The following MACROD2 variants were observed in gnomAD, a reference collection of about 807,000 sequenced individuals.
MACROD2 encodes mono-ADP ribosylhydrolase 2.
Under a neutral mutation model 70.4 loss-of-function variants are expected in MACROD2, and 36 were observed. That is an observed-to-expected ratio of 0.51 (90% CI 0.39 to 0.68). The LOEUF is 0.68. MACROD2 is among the 30% of genes least tolerant of loss of function. The pLI, the probability that MACROD2 is intolerant of heterozygous loss-of-function variation, is 0.00. For missense variants in MACROD2, 496 were observed against 538.4 expected (o/e 0.92, Z 0.78); for synonymous variants, 172 against 178.8 (o/e 0.96, Z 0.30).
chr20:15,640,583 T>C (rs183184896), intron 8 of MACROD2, among the ~76,000 whole-genome samples: 57 of 152,336 alleles, frequency 3.7e-4, no homozygotes, highest in Non-Finnish European at 6.6e-4. Context: ...GCAGAGAACA[T>C]AGTCATGTGG....
At chr20:14,095,337 G>A (rs1478288388) in intron 3 of MACROD2, among the ~76,000 whole-genome samples, 1 of 152,172 alleles carries the variant, frequency 6.6e-6, no homozygotes, top group African/African-American at 2.4e-5. Flanking sequence ...ATAGAGGATA[G>A]GAAATGTAGG....
chr20:14,050,192 G>A (rs888937928), intron 2 of MACROD2, among the ~76,000 whole-genome samples: 15 of 152,016 alleles, frequency 9.9e-5, no homozygotes, highest in African/African-American at 3.6e-4. Flanking sequence ...TTTTTCTCAA[G>A]GATAGAGTCA....
At chr20:14,922,373 C>T (rs76467268) in intron 5 of MACROD2, among the ~76,000 whole-genome samples, 2,040 of 152,134 alleles carry the variant, frequency 0.013, 38 homozygotes, top group African/African-American at 0.046. Flanking sequence ...GCTTCTTAAC[C>T]ACCCCTAATT....
intron 3 of MACROD2, among the ~76,000 whole-genome samples, chr20:14,416,971 A>G (rs2083812135): frequency 6.6e-6 from 1 of 152,148 alleles, no homozygotes; most frequent in African/African-American, 2.4e-5. Context: ...ACTTTTAGCA[A>G]CCTGAACTTT....
intron 3 of MACROD2, among the ~76,000 whole-genome samples, chr20:14,355,235 C>T (rs945997811): frequency 1.3e-5 from 2 of 152,114 alleles, no homozygotes; most frequent in African/African-American, 4.8e-5. Flanking sequence ...ATATACAGGT[C>T]ATTAACAAAA....
At chr20:14,366,899 A>G (rs1245499431) in intron 3 of MACROD2, among the ~76,000 whole-genome samples, 1 of 152,114 alleles carries the variant, frequency 6.6e-6, no homozygotes, top group African/African-American at 2.4e-5. Flanking sequence ...TACATTTTAA[A>G]TAATTTCTGA....
intron 5 of MACROD2, among the ~76,000 whole-genome samples, chr20:15,214,444 T>C (rs958422377): frequency 1.2e-4 from 19 of 152,056 alleles, no homozygotes; most frequent in African/African-American, 4.6e-4. Context: ...TCCCAGCACT[T>C]TGGGAGGCCG....
chr20:14,815,242 A>C (rs140939528), intron 5 of MACROD2, among the ~76,000 whole-genome samples: 1 of 152,058 alleles, frequency 6.6e-6, no homozygotes, highest in Non-Finnish European at 1.5e-5. Flanking sequence ...GTCTAGGTGA[A>C]GCTTCTGCAT....
chr20:15,568,185 C>T (rs2048332979), intron 8 of MACROD2, among the ~76,000 whole-genome samples: 1 of 152,160 alleles, frequency 6.6e-6, no homozygotes, highest in African/African-American at 2.4e-5. Flanking sequence ...CAAAGATGTC[C>T]ATGGACTTCA....
chr20:15,949,222 T>C (rs970692979), intron 12 of MACROD2, among the ~76,000 whole-genome samples: 1 of 152,214 alleles, frequency 6.6e-6, no homozygotes, highest in Non-Finnish European at 1.5e-5. Context: ...AAAGAGTTAA[T>C]ATATTTAAAG....
intron 6 of MACROD2, among the ~76,000 whole-genome samples, chr20:15,304,733 TA>T (rs142711673): frequency 4.7e-5 from 7 of 148,804 alleles, no homozygotes; most frequent in African/African-American, 9.8e-5. Context: ...CTGCCTTATC[TA>T]AAAAAAAAAG....
chr20:14,284,129 G>T (rs1182207675), intron 3 of MACROD2, among the ~76,000 whole-genome samples: 1 of 152,132 alleles, frequency 6.6e-6, no homozygotes, highest in Non-Finnish European at 1.5e-5. Context: ...ATTGCAAAAT[G>T]GCAGTGTCTG....
chr20:14,568,357 A>T (rs1979946421), intron 4 of MACROD2, among the ~76,000 whole-genome samples: 1 of 152,024 alleles, frequency 6.6e-6, no homozygotes, highest in Non-Finnish European at 1.5e-5. Context: ...AATGCATGAC[A>T]TGGCAATTTG....
At chr20:15,434,607 A>T (rs192734609) in intron 7 of MACROD2, among the ~76,000 whole-genome samples, 5 of 152,162 alleles carry the variant, frequency 3.3e-5, no homozygotes, top group African/African-American at 1.2e-4. Context: ...GGAAAATGGT[A>T]TGGAGATTCC....
chr20:15,070,170 C>G (rs1452979113), intron 5 of MACROD2, among the ~76,000 whole-genome samples: 8 of 152,238 alleles, frequency 5.3e-5, no homozygotes, highest in African/African-American at 1.7e-4. Context: ...TAGTGTCTGC[C>G]CTGCTGTTGC....
At chr20:14,861,541 C>T (rs765553319) in intron 5 of MACROD2, among the ~76,000 whole-genome samples, 1 of 151,958 alleles carries the variant, frequency 6.6e-6, no homozygotes. Flanking sequence ...AATTAGAAGC[C>T]AGACTATGAG....
At chr20:14,476,064 A>G (rs1168964153) in intron 3 of MACROD2, among the ~76,000 whole-genome samples, 1 of 151,474 alleles carries the variant, frequency 6.6e-6, no homozygotes, top group African/African-American at 2.4e-5. Context: ...TAGAAGAGGT[A>G]AGTTGAACCA....
chr20:14,714,203 A>T (rs2071370599), intron 5 of MACROD2, among the ~76,000 whole-genome samples: 1 of 152,088 alleles, frequency 6.6e-6, no homozygotes, highest in African/African-American at 2.4e-5. Context: ...CTTTGAGAAG[A>T]TTATTCAGGA....
intron 4 of MACROD2, among the ~76,000 whole-genome samples, chr20:14,558,218 C>A (rs2423819): frequency 0.53 from 81,013 of 151,520 alleles, 23,106 homozygotes; most frequent in East Asian, 0.66. Context: ...GGAGTGAATA[C>A]AAATGGCATG....
Sources: allele counts gnomAD v4.1 joint callset (sites outside exome capture counted in the v4.1 genomes callset), GRCh38; gene constraint gnomAD v4.1.1; transcripts MANE v1.5; gene names NCBI Gene and HGNC (gene_info 2026-07-23, HGNC 2026-07-21).